Variants in GRAMD2B observed in about 807,000 individuals in gnomAD.
GRAMD2B encodes the protein GRAM domain containing 2B, also known as GRAM domain-containing protein 2B.
Under a neutral mutation model 59.2 loss-of-function variants are expected in GRAMD2B, and 41 were observed. The ratio of observed to expected loss-of-function variants is 0.69; its 90% CI spans 0.54 to 0.90. The LOEUF (loss-of-function observed/expected upper bound fraction) is 0.90, where lower values mean the gene tolerates loss of function less well. Among genes scored for constraint, GRAMD2B ranks in the 40% least tolerant of loss-of-function variants. The pLI, the probability that GRAMD2B is intolerant of heterozygous loss-of-function variation, is 0.00. For missense variants in GRAMD2B, 424 were observed against 500.5 expected (o/e 0.85, Z 1.46); for synonymous variants, 161 against 182.7 (o/e 0.88, Z 0.96).
intron 1 of GRAMD2B, among the ~76,000 whole-genome samples, chr5:126,446,188 A>AT (rs1164477602): frequency 6.6e-6 from 1 of 152,144 alleles, no homozygotes. Context: ...TATTGTGTTT[A>AT]TTTTTTCAAA....
At position 126,493,156 on chromosome 5, in the gene GRAMD2B, A is replaced by C; in HGVS notation, c.*200A>C. Reference sequence around the variant, plus strand: ...TCTTGTGCAATAAAAGTTGACCTTGACTCTCTGAGGAAGATTTTGCTGCTT... The same window carrying C: ...TCTTGTGCAATAAAAGTTGACCTTGCCTCTCTGAGGAAGATTTTGCTGCTT... On this transcript the variant is annotated 3_prime_UTR_variant, in exon 14 of 14. Coordinates refer to ENST00000285689, the MANE Select transcript of GRAMD2B (RefSeq NM_023927.4). The C allele has an allele frequency of 1.8e-6, 1 of 562,094 alleles. No homozygotes were observed. The highest frequency in any genetic ancestry group is 3.2e-6 in the Non-Finnish European group (1 of 309,518). 34.8% of individuals were successfully genotyped at this position (562,094 alleles called of 1,614,324 possible).
chr5:126,384,251 G>A (rs1003417005), intron 1 of GRAMD2B, among the ~76,000 whole-genome samples: 8 of 152,050 alleles, frequency 5.3e-5, no homozygotes, highest in Non-Finnish European at 8.8e-5. Flanking sequence ...ACACAGATCC[G>A]GGATACTATA....
At chr5:126,421,703 C>T (rs1334105123), upstream of GRAMD2B, among the ~76,000 whole-genome samples, 2 of 152,094 alleles carry the variant, frequency 1.3e-5, no homozygotes, top group Non-Finnish European at 2.9e-5. Context: ...TTCTCTCAGC[C>T]TAATGATATA....
upstream of GRAMD2B, chr5:126,423,129 A>T (rs1026908393): frequency 3.0e-6 from 3 of 992,056 alleles, no homozygotes; most frequent in East Asian, 3.4e-4. Flanking sequence ...TCCCACTCAG[A>T]CGTCTCCATT....
chr5:126,448,185 C>T (rs11951824), intron 1 of GRAMD2B, among the ~76,000 whole-genome samples: 41,832 of 151,886 alleles, frequency 0.28, 6,056 homozygotes, highest in African/African-American at 0.37. Context: ...AAACCACATA[C>T]TAAAGTGATA....
intron 1 of GRAMD2B, chr5:126,465,195 C>G: frequency 1.4e-6 from 2 of 1,380,872 alleles, no homozygotes; most frequent in East Asian, 5.7e-5. Flanking sequence ...CAAGTCCACA[C>G]AGTCTGGCAT....
chr5:126,420,294 G>A (rs1351575592), upstream of GRAMD2B, among the ~76,000 whole-genome samples: 2 of 151,908 alleles, frequency 1.3e-5, no homozygotes, highest in Non-Finnish European at 2.9e-5. Flanking sequence ...TTCCTTTATT[G>A]TTTATCTGCC....
chr5:126,491,606 C>T (rs115800521), intron 13 of GRAMD2B, among the ~76,000 whole-genome samples: 4 of 152,208 alleles, frequency 2.6e-5, no homozygotes, highest in Non-Finnish European at 2.9e-5. Context: ...CACCTGAGAA[C>T]ACCCATAGGA....
upstream of GRAMD2B, among the ~76,000 whole-genome samples, chr5:126,369,631 A>ACC (rs1754640159): frequency 6.6e-6 from 1 of 152,228 alleles, no homozygotes; most frequent in Non-Finnish European, 1.5e-5. Flanking sequence ...TGCAGCTAGC[A>ACC]AAGAGCTTTG....
In GRAMD2B at chr5:126,395,827, A is replaced by G. The variant is rs1367014448; in HGVS notation, c.125+24260A>G. ...CAGTTTTATTGAGGTATAGTTGACA[A>G]ATTAAATTGTACATATGTATAAGGT... On this transcript the variant is annotated intron_variant, in intron 1 of 8. Transcript: ENST00000506445. 2.6e-5 allele frequency among the ~76,000 whole-genome samples: 4 copies of G among 152,164 alleles called. No individual in the cohort carries two copies. The East Asian group carries it at 5.8e-4, about 22-fold the overall frequency.
At chr5:126,492,645 C>T (rs1257532768) in intron 13 of GRAMD2B, among the ~76,000 whole-genome samples, 1 of 152,052 alleles carries the variant, frequency 6.6e-6, no homozygotes, top group Non-Finnish European at 1.5e-5. Context: ...CACTTGAGCC[C>T]AGGAAGTCAG....
At chr5:126,429,113 A>G (rs1420762777) in intron 1 of GRAMD2B, among the ~76,000 whole-genome samples, 2 of 152,212 alleles carry the variant, frequency 1.3e-5, no homozygotes, top group Non-Finnish European at 2.9e-5. Flanking sequence ...CACTCTTCAC[A>G]ATAGCAAAGA....
chr5:126,472,470 A>G (rs1303367564), intron 4 of GRAMD2B, among the ~76,000 whole-genome samples, 166 bp downstream of exon 4: 2 of 152,228 alleles, frequency 1.3e-5, no homozygotes, highest in African/African-American at 4.8e-5. Context: ...TTCACCAGGC[A>G]GCGTGAAAAG....
At chr5:126,461,060 A>G (rs774377859) in intron 1 of GRAMD2B, among the ~76,000 whole-genome samples, 1 of 152,188 alleles carries the variant, frequency 6.6e-6, no homozygotes, top group African/African-American at 2.4e-5. Context: ...ACAGGGACTC[A>G]TCACTGTAAT....
At chr5:126,374,120 A>T (rs1237234532) in intron 1 of GRAMD2B, among the ~76,000 whole-genome samples, 1 of 152,228 alleles carries the variant, frequency 6.6e-6, no homozygotes, top group East Asian at 1.9e-4. Flanking sequence ...GGAAATGTTC[A>T]TCATAGATTA....
chr5:126,463,766 C>A (rs1403999527), intron 1 of GRAMD2B, among the ~76,000 whole-genome samples: 1 of 152,186 alleles, frequency 6.6e-6, no homozygotes, highest in South Asian at 2.1e-4. Flanking sequence ...CGCCTGTAAT[C>A]CCAGCACTTT....
intron 1 of GRAMD2B, among the ~76,000 whole-genome samples, chr5:126,435,038 AC>A (rs1762186240): frequency 6.6e-6 from 1 of 152,156 alleles, no homozygotes; most frequent in Non-Finnish European, 1.5e-5. Context: ...CTGTTCAGTA[AC>A]TTTTATGTGC....
At chr5:126,419,234 G>A (rs1759506109), upstream of GRAMD2B, among the ~76,000 whole-genome samples, 2 of 152,012 alleles carry the variant, frequency 1.3e-5, no homozygotes, top group South Asian at 4.2e-4. Flanking sequence ...TCTGCTTCTG[G>A]GGAGGCCTCA....
chr5:126,380,420 T>C (rs1398242155), intron 1 of GRAMD2B, among the ~76,000 whole-genome samples: 2 of 152,198 alleles, frequency 1.3e-5, no homozygotes, highest in Non-Finnish European at 2.9e-5. Context: ...GGATTTTTTT[T>C]TTCTAGTTCT....
Sources: allele counts gnomAD v4.1 joint callset (sites outside exome capture counted in the v4.1 genomes callset), GRCh38; gene constraint gnomAD v4.1.1; transcripts MANE v1.5; gene names NCBI Gene and HGNC (gene_info 2026-07-23, HGNC 2026-07-21).